ASTN2: variants seen among roughly 807,000 people sequenced by gnomAD.
The protein encoded by ASTN2 is astrotactin-2.
Under a neutral mutation model 139.8 loss-of-function variants are expected in ASTN2, and 54 were observed. That is an observed-to-expected ratio of 0.39 (90% CI 0.31 to 0.48). ASTN2 has a LOEUF of 0.48. ASTN2 is among the 20% of genes least tolerant of loss of function. The pLI is 0.95. For synonymous variants in ASTN2, 756 were observed against 719.5 expected (o/e 1.05, Z -0.81); for missense variants, 1,565 against 1,725.1 (o/e 0.91, Z 1.64).
chr9:116,674,035 A>G (rs574333206), intron 16 of ASTN2, among the ~76,000 whole-genome samples: 1 of 152,348 alleles, frequency 6.6e-6, no homozygotes, highest in South Asian at 2.1e-4. Flanking sequence ...AAATGGTAAC[A>G]GCTCTTTCCA....
At chr9:116,573,013 GCA>G (rs143295727) in intron 19 of ASTN2, among the ~76,000 whole-genome samples, 6,331 of 136,838 alleles carry the variant, frequency 0.046, 436 homozygotes, top group African/African-American at 0.17. Context: ...GTGGGTACAT[GCA>G]CACACACACA....
intron 10 of ASTN2, among the ~76,000 whole-genome samples, chr9:116,951,084 C>A (rs1588436052): frequency 6.6e-6 from 1 of 151,894 alleles, no homozygotes; most frequent in Admixed American, 6.6e-5. Flanking sequence ...ACGCCTGTAG[C>A]CCCAGCACTT....
At chr9:117,404,848 AG>A (rs1357212241) in intron 1 of ASTN2, among the ~76,000 whole-genome samples, 1 of 151,986 alleles carries the variant, frequency 6.6e-6, no homozygotes. Context: ...AAGGAAGAAA[AG>A]GGGGAAAAAA....
At chr9:117,118,738 C>T (rs3923775) in intron 4 of ASTN2, among the ~76,000 whole-genome samples, 12,700 of 152,146 alleles carry the variant, frequency 0.083, 949 homozygotes, top group East Asian at 0.18. Flanking sequence ...CCTTCTCACT[C>T]ACCCTGGTCT....
chr9:117,193,146 G>C (rs1336353747), intron 3 of ASTN2, among the ~76,000 whole-genome samples: 1 of 152,200 alleles, frequency 6.6e-6, no homozygotes, highest in Non-Finnish European at 1.5e-5. Context: ...GAAGAATCAG[G>C]AAGTAAATGC....
intron 19 of ASTN2, among the ~76,000 whole-genome samples, chr9:116,502,946 A>G (rs1849941805): frequency 6.8e-6 from 1 of 147,624 alleles, no homozygotes; most frequent in Non-Finnish European, 1.5e-5. Context: ...AAGGAAAGAA[A>G]AAAAGGAAGG....
At chr9:117,260,960 T>C (rs576501082) in intron 2 of ASTN2, among the ~76,000 whole-genome samples, 67 of 152,294 alleles carry the variant, frequency 4.4e-4, no homozygotes, top group African/African-American at 1.6e-3. Context: ...TGTGAAAGTG[T>C]GTATAAGTAT....
chr9:117,183,897 G>C (rs999522720), intron 3 of ASTN2, among the ~76,000 whole-genome samples: 18 of 152,204 alleles, frequency 1.2e-4, no homozygotes, highest in African/African-American at 4.1e-4. Flanking sequence ...ATCTTTTATG[G>C]GTGGAGCAAA....
At chr9:117,202,298 G>C (rs939507001) in intron 3 of ASTN2, among the ~76,000 whole-genome samples, 1 of 152,054 alleles carries the variant, frequency 6.6e-6, no homozygotes, top group South Asian at 2.1e-4. Context: ...CAACCAATTT[G>C]CCAGCCTGTG....
intron 4 of ASTN2, among the ~76,000 whole-genome samples, chr9:117,099,371 C>T (rs1350732982): frequency 1.3e-5 from 2 of 152,182 alleles, no homozygotes; most frequent in African/African-American, 4.8e-5. Context: ...TTCCTTCCTT[C>T]CAATCTCCAC....
At chr9:117,392,842 G>A (rs1052383250) in intron 1 of ASTN2, among the ~76,000 whole-genome samples, 1 of 152,176 alleles carries the variant, frequency 6.6e-6, no homozygotes, top group African/African-American at 2.4e-5. Flanking sequence ...TGAGAAAGAG[G>A]AGCCCACCAG....
chr9:117,132,850 C>T (rs774198315), intron 4 of ASTN2, among the ~76,000 whole-genome samples: 6 of 152,112 alleles, frequency 3.9e-5, no homozygotes, highest in South Asian at 4.2e-4. Flanking sequence ...GCCAGGGTGC[C>T]GATTCCAGGA....
chr9:116,428,567 G>C (rs369627721), intron 22 of ASTN2, among the ~76,000 whole-genome samples: 12 of 152,104 alleles, frequency 7.9e-5, no homozygotes, highest in African/African-American at 2.6e-4. Flanking sequence ...GACAAGAGAT[G>C]CATAGATGTT....
At chr9:116,841,064 C>G (rs1044869945) in intron 11 of ASTN2, among the ~76,000 whole-genome samples, 1 of 152,208 alleles carries the variant, frequency 6.6e-6, no homozygotes, top group African/African-American at 2.4e-5. Context: ...AAGATCACGC[C>G]ACTGCACTCC....
chr9:117,121,802 G>A (rs956283620), intron 4 of ASTN2, among the ~76,000 whole-genome samples: 15 of 152,198 alleles, frequency 9.9e-5, no homozygotes, highest in East Asian at 1.9e-4. Flanking sequence ...GGCAGAAGCC[G>A]ATGGGGAAGC....
Position 116,699,543 on chromosome 9 carries a change from C to CATT in ASTN2, c.2806+26225_2806+26227dup. 1 of 1,614,164 alleles carries CATT rather than the reference C, an allele frequency of 6.2e-7. No individual in the cohort carries two copies. The highest frequency in any genetic ancestry group is 8.5e-7 in the Non-Finnish European group (1 of 1,180,030). On this transcript the variant is annotated intron_variant, in intron 16 of 22. Coordinates refer to ENST00000313400, the MANE Select transcript of ASTN2 (RefSeq NM_001365068.1). This position sits in a 1 kb window ranked among gnomAD's most constrained non-coding sequence, Gnocchi z 4.2. ...TGACAGTAGTCGCAAGGAAATTCTC[C>CATT]ATTTTCCTAAGGGTGGGGGCTATAG...
At chr9:116,729,138 G>T in intron 14 of ASTN2, 42 bp from the exon 15 acceptor site, 1 of 1,437,286 alleles carries the variant, frequency 7.0e-7, no homozygotes, top group Non-Finnish European at 9.6e-7. Flanking sequence ...CCAGAATTAA[G>T]ACGCTTCACA....
At chr9:117,294,729 G>A (rs1353307490) in intron 1 of ASTN2, among the ~76,000 whole-genome samples, 5 of 152,064 alleles carry the variant, frequency 3.3e-5, no homozygotes, top group Admixed American at 6.5e-5. Flanking sequence ...GTGTGTTATC[G>A]GGACTATCTT....
At chr9:116,441,887 G>A (rs1249260219) in intron 21 of ASTN2, among the ~76,000 whole-genome samples, 1 of 152,292 alleles carries the variant, frequency 6.6e-6, no homozygotes, top group Non-Finnish European at 1.5e-5. Context: ...TTTGCCTGCT[G>A]TTTATGTCAT....
Sources: gnomAD v4.1 joint callset for allele counts (sites outside exome capture counted in the v4.1 genomes callset) on GRCh38, gnomAD v4.1.1 for gene constraint, Gnocchi (gnomAD v3.1) non-coding constraint, MANE v1.5 for transcripts, NCBI Gene and HGNC (gene_info 2026-07-23, HGNC 2026-07-21) for gene names.